The following LONP2 variants were observed in gnomAD, a reference collection of about 807,000 sequenced individuals.
The protein encoded by LONP2 is lon protease homolog 2, peroxisomal.
A neutral mutation model predicts 85.6 loss-of-function variants in LONP2; 60 were observed. The observed-to-expected ratio is 0.70, with a 90% CI of 0.57 to 0.87. LONP2 has a LOEUF of 0.87. LONP2 is among the 40% of genes least tolerant of loss of function. LONP2 has a pLI of 0.00. For synonymous variants in LONP2, 395 were observed against 389.7 expected, an observed-to-expected ratio of 1.01 and a Z score of -0.16; for missense variants, 860 against 1,063.5, an observed-to-expected ratio of 0.81 and a Z score of 2.66.
chr16:48,269,815 A>G (rs1972064648), intron 6 of LONP2, among the ~76,000 whole-genome samples: 2 of 152,216 alleles, frequency 1.3e-5, no homozygotes, highest in East Asian at 1.9e-4. Context: ...TGTAGTGCCT[A>G]CTATCTCTGG....
In LONP2 at chr16:48,252,327, G is replaced by C. The variant is rs1360430491; in HGVS notation, c.430G>C (p.Gly144Arg). ...PNTCKMREEL[G>R]ELSEQFYKYA... ...CACCTGTAAAATGAGGGAGGAGCTA[G>C]GAGAACTATCAGAGCAGTTTTACAA... The change falls in exon 2 of 15, where the codon GGA (glycine) becomes CGA (arginine). Residue 144 changes from glycine to arginine, a missense_variant. Around this residue, in one of 3 missense-constraint regions of LONP2, gnomAD observed 743 missense variants for 917.3 expected, o/e 0.81. Coordinates refer to ENST00000285737, the MANE Select transcript of LONP2 (RefSeq NM_031490.5). 2 of 1,612,930 alleles carry C rather than the reference G, an allele frequency of 1.2e-6. No individual in the cohort carries two copies. Among genetic ancestry groups the C allele is most frequent in the Non-Finnish European group, 1.7e-6 (2 of 1,179,524 alleles).
At chr16:48,301,643 A>T (rs1490560947) in intron 10 of LONP2, among the ~76,000 whole-genome samples, 2 of 152,150 alleles carry the variant, frequency 1.3e-5, no homozygotes, top group African/African-American at 2.4e-5. Flanking sequence ...TCAAAAAAAA[A>T]AAAATAGAGA....
chr16:48,295,527 A>G (rs555846353), intron 8 of LONP2, among the ~76,000 whole-genome samples: 1 of 152,334 alleles, frequency 6.6e-6, no homozygotes, highest in South Asian at 2.1e-4. Context: ...CTTATTTGGA[A>G]TTCTCCTTTC....
At position 48,356,605 on chromosome 16, in the gene LONP2, TACAAACATTTGGTG is replaced by T. The variant is rs1342776768; in HGVS notation, c.*4804_*4817del. 5 of 274,386 alleles carry T rather than the reference TACAAACATTTGGTG, an allele frequency of 1.8e-5. No individual in the cohort carries two copies. The highest frequency in any genetic ancestry group is 3.4e-5 in the South Asian group (1 of 29,304). 17.0% of individuals were successfully genotyped at this position (274,386 alleles called of 1,614,324 possible). A position where few individuals can be genotyped will look rare whatever the true frequency, so the allele number is the denominator to read the frequency against. ...TAATGCTCATTTTTTTTGTTTGTTT[TACAAACATTTGGTG>T]GATACCACAATGAAAACTGCACTTA... On this transcript the variant is annotated 3_prime_UTR_variant, in exon 15 of 15. Transcript: ENST00000285737.
chr16:48,349,357 G>C (rs1960069786), intron 14 of LONP2, among the ~76,000 whole-genome samples: 1 of 152,024 alleles, frequency 6.6e-6, no homozygotes, highest in African/African-American at 2.4e-5. Flanking sequence ...TGCAACCTCT[G>C]CCTCCCAAGT....
chr16:48,326,382 C>G (rs1328560809), intron 11 of LONP2, among the ~76,000 whole-genome samples: 3 of 152,190 alleles, frequency 2.0e-5, no homozygotes, highest in Non-Finnish European at 4.4e-5. Context: ...AAAATGAACA[C>G]TTCTTTGATA....
chr16:48,280,714 A>T (rs1972308409), intron 8 of LONP2, among the ~76,000 whole-genome samples: 1 of 152,234 alleles, frequency 6.6e-6, no homozygotes, highest in South Asian at 2.1e-4. Context: ...GAAGCAAGAC[A>T]TACATATGGA....
chr16:48,295,008 G>C (rs1223218279), intron 8 of LONP2, among the ~76,000 whole-genome samples: 1 of 152,196 alleles, frequency 6.6e-6, no homozygotes, highest in African/African-American at 2.4e-5. Context: ...TTAGCAACAA[G>C]TGCCTGTGAC....
chr16:48,321,572 A>AT (rs1973265539), intron 11 of LONP2, among the ~76,000 whole-genome samples: 2 of 152,218 alleles, frequency 1.3e-5, no homozygotes, highest in Non-Finnish European at 2.9e-5. Context: ...TTGTGGAAAC[A>AT]TCATAGAGTG....
chr16:48,302,549 A>G (rs1286679820), intron 10 of LONP2, among the ~76,000 whole-genome samples: 1 of 152,098 alleles, frequency 6.6e-6, no homozygotes, highest in African/African-American at 2.4e-5. Context: ...TCTAATGTAC[A>G]TGTGTTTAAA....
rs771289496 is a variant in LONP2 at position 48,262,799 on chromosome 16, A to C, written c.909A>C (p.Ser303=). 2.8e-5 allele frequency: 45 copies of C among 1,610,976 alleles called. No individual in the cohort carries two copies. Among genetic ancestry groups the C allele is most frequent in the Non-Finnish European group, 3.4e-6 (4 of 1,178,390 alleles). Residue 303 remains serine (S), a synonymous_variant, in exon 6 of 15, where the codon TCA becomes TCC. Transcript: ENST00000285737. ...ACAGACTCAAAAAAATGCCTCAGTC[A>C]ATGCCAGAATATGCTCTGACTAGAA... ...EIKRLKKMPQ[S]MPEYALTRNY...
chr16:48,348,432 C>A, intron 14 of LONP2, 142 bp downstream of exon 14: 50 of 324,912 alleles, frequency 1.5e-4, no homozygotes, highest in East Asian at 1.7e-4. Flanking sequence ...GTAACTAATT[C>A]ATATTTTAAA....
At chr16:48,294,570 A>G (rs1445910761) in intron 8 of LONP2, among the ~76,000 whole-genome samples, 1 of 152,132 alleles carries the variant, frequency 6.6e-6, no homozygotes, top group Non-Finnish European at 1.5e-5. Context: ...GTTTGAGACC[A>G]ATCTGGCCAA....
Position 48,262,817 on chromosome 16 carries a change from G to A in LONP2, c.927G>A (p.Leu309=), listed in dbSNP as rs1353850633. 1.9e-6 allele frequency: 3 copies of A among 1,612,306 alleles called. No homozygotes were observed. Among genetic ancestry groups the A allele is most frequent in the Middle Eastern group, 1.7e-4 (1 of 6,050 alleles). Residue 309 remains leucine, a synonymous_variant, in exon 6 of 15, where the codon CTG becomes CTA. Transcript: ENST00000285737. ...CTCAGTCAATGCCAGAATATGCTCTGACTAGAAATTATTTGGAACTTATGG... is the reference window on the plus strand; with the variant it reads ...CTCAGTCAATGCCAGAATATGCTCTAACTAGAAATTATTTGGAACTTATGG... ...KMPQSMPEYA[L]TRNYLELMVE...
At chr16:48,314,859 C>T (rs776442296) in intron 11 of LONP2, among the ~76,000 whole-genome samples, 2 of 152,180 alleles carry the variant, frequency 1.3e-5, no homozygotes, top group Non-Finnish European at 2.9e-5. Flanking sequence ...GTTCAACAAA[C>T]TTGCCACATT....
chr16:48,277,190 A>G (rs546035284), intron 7 of LONP2, 148 bp from the exon 8 acceptor site: 226 of 615,962 alleles, frequency 3.7e-4, no homozygotes, highest in African/African-American at 3.6e-3. Context: ...TTGATTTATC[A>G]TAGTGCCTTT....
Position 48,353,496 on chromosome 16 carries a change from C to CAAAAA in LONP2, c.*1711_*1715dup, listed in dbSNP as rs11331502. On this transcript the variant is annotated 3_prime_UTR_variant, in exon 15 of 15. Transcript: ENST00000285737. ...TGGGCGACAGAGTGAGACCCTGTCT[C>CAAAAA]AAAAAAAAAAAAAAAAAAAAAGATT... is the stretch of plus-strand genomic sequence containing the variant. The CAAAAA allele has an allele frequency of 1.5e-5, 1 of 67,122 alleles. No individual in the cohort carries two copies. Among genetic ancestry groups the CAAAAA allele is most frequent in the African/African-American group, 5.5e-5 (1 of 18,032 alleles). 4.2% of individuals were successfully genotyped at this position (67,122 alleles called of 1,614,324 possible).
intron 8 of LONP2, among the ~76,000 whole-genome samples, chr16:48,277,774 C>T (rs991210996): frequency 1.3e-5 from 2 of 151,884 alleles, no homozygotes; most frequent in African/African-American, 4.8e-5. Flanking sequence ...GCAAAAAAAA[C>T]AGCAAGCAAG....
At chr16:48,327,309 G>A (rs1466401680) in intron 11 of LONP2, among the ~76,000 whole-genome samples, 2 of 152,144 alleles carry the variant, frequency 1.3e-5, no homozygotes, top group East Asian at 3.8e-4. Flanking sequence ...GAAAACACTA[G>A]CCCCCTCCCA....
Sources: allele counts gnomAD v4.1 joint callset (sites outside exome capture counted in the v4.1 genomes callset), GRCh38; gene constraint gnomAD v4.1.1; regional missense constraint gnomAD v4.1.1; transcripts MANE v1.5; gene names NCBI Gene and HGNC (gene_info 2026-07-23, HGNC 2026-07-21).